Variants in FRZB observed in about 807,000 individuals in gnomAD.
FRZB encodes frizzled related protein, also known as secreted frizzled-related protein 3.
In FRZB, 34 loss-of-function variants were observed where a neutral mutation model predicts 32.5. That is an observed-to-expected ratio of 1.05 (90% CI 0.80 to 1.39). FRZB has a LOEUF of 1.39. FRZB is among the 40% of genes most tolerant of loss of function. FRZB has a pLI of 0.00. For synonymous variants in FRZB, 170 were observed against 159.2 expected (o/e 1.07, Z -0.51); for missense variants, 423 against 424.8 (o/e 1.00, Z 0.04).
rs181615684 is a variant in FRZB, at chr2:182,847,578, C to T, written c.527-5035G>A. Among the ~76,000 whole-genome samples the T allele has an allele frequency of 3.0e-3, 463 of 152,168 alleles. 2 individuals are homozygous for T. The highest frequency in any genetic ancestry group is 5.2e-3 in the Non-Finnish European group (354 of 68,002). Reference sequence around the variant, plus strand: ...AAGCTAGAAGACTTTATCCACTACACAAGAAGGAAAAGGAGAGAAAGGTAC... The same window carrying T: ...AAGCTAGAAGACTTTATCCACTACATAAGAAGGAAAAGGAGAGAAAGGTAC... On this transcript the variant is annotated intron_variant, in intron 2 of 5. Transcript: ENST00000295113.
At chr2:182,864,887 T>C (rs1695873252) in intron 1 of FRZB, among the ~76,000 whole-genome samples, 1 of 152,028 alleles carries the variant, frequency 6.6e-6, no homozygotes, top group Non-Finnish European at 1.5e-5. Flanking sequence ...GTGGGGGATG[T>C]GGTATGAAAG....
At chr2:182,848,070 TAAA>T (rs11361784) in intron 2 of FRZB, among the ~76,000 whole-genome samples, 3 of 139,934 alleles carry the variant, frequency 2.1e-5, no homozygotes, top group Non-Finnish European at 4.6e-5. Context: ...CTCAACATGG[TAAA>T]AAAAAAAAAA....
At position 182,863,494 on chromosome 2, in the gene FRZB, G is replaced by C. The variant is rs1455112231; in HGVS notation, c.478+2581C>G. Among the ~76,000 whole-genome samples the C allele has an allele frequency of 2.2e-4, 34 of 152,172 alleles. 1 individual carries two copies. Reference sequence around the variant, plus strand: ...AAGACTGCTTTGTAAAAGGTCCTAAGCTTGTTTGTGGAGTCATGATATACT... The same window carrying C: ...AAGACTGCTTTGTAAAAGGTCCTAACCTTGTTTGTGGAGTCATGATATACT... On this transcript the variant is annotated intron_variant, in intron 1 of 5. Transcript: ENST00000295113.
intron 2 of FRZB, 146 bp from the exon 3 acceptor site, chr2:182,842,689 G>T (rs183722363): frequency 3.0e-5 from 18 of 603,478 alleles, no homozygotes; most frequent in Non-Finnish European, 4.5e-5. Flanking sequence ...TTTTTCTCCT[G>T]GAACTACATT....
At position 182,833,636 on chromosome 2, in the gene FRZB, G is replaced by T. The variant is rs1695489297; in HGVS notation, c.*1213C>A. 1 of 152,014 alleles carries T rather than the reference G, an allele frequency of 6.6e-6. No homozygotes were observed. 9.4% of individuals were successfully genotyped at this position (152,014 alleles called of 1,614,324 possible). A position where few individuals can be genotyped will look rare whatever the true frequency, so the allele number is the denominator to read the frequency against. The stretch of plus-strand genomic sequence containing the variant: ...GCCCCTGGGATCTCACCACAGCTTG[G>T]GTAATGAGAAATGTGCAATTGGTTC... On this transcript the variant is annotated 3_prime_UTR_variant, in exon 6 of 6. Coordinates refer to ENST00000295113, the MANE Select transcript of FRZB (RefSeq NM_001463.4).
At chr2:182,847,556 C>T (rs1462565400) in intron 2 of FRZB, among the ~76,000 whole-genome samples, 1 of 152,100 alleles carries the variant, frequency 6.6e-6, no homozygotes, top group African/African-American at 2.4e-5. Context: ...ACTTTGAAAG[C>T]TAGAAGACTT....
At chr2:182,839,361 C>T (rs1695562227) in intron 3 of FRZB, among the ~76,000 whole-genome samples, 2 of 151,970 alleles carry the variant, frequency 1.3e-5, no homozygotes, top group African/African-American at 4.8e-5. Flanking sequence ...GCTATATTTA[C>T]TTCTTGAATA....
chr2:182,842,593 T>C, intron 2 of FRZB, 50 bp from the exon 3 acceptor site: 4 of 1,474,722 alleles, frequency 2.7e-6, no homozygotes, highest in Non-Finnish European at 3.8e-6. Flanking sequence ...TAGCTTTCTT[T>C]TGTTTTGCTC....
intron 2 of FRZB, among the ~76,000 whole-genome samples, chr2:182,851,771 C>A (rs942695687): frequency 1.3e-5 from 2 of 151,942 alleles, no homozygotes; most frequent in African/African-American, 4.8e-5. Flanking sequence ...GAAATGTGGT[C>A]CTAGAGAGTA....
chr2:182,838,655 T>C (rs1695554731), intron 3 of FRZB, 42 bp from the exon 4 acceptor site: 4 of 1,534,152 alleles, frequency 2.6e-6, no homozygotes, highest in Non-Finnish European at 3.6e-6. Context: ...ATATGACACA[T>C]AATAGCTACC....
chr2:182,842,433 C>T lies in FRZB; in HGVS notation c.592+45G>A, dbSNP rs527489954. 2.9e-6 allele frequency: 4 copies of T among 1,390,906 alleles called. No homozygotes were observed. In the South Asian group the frequency reaches 4.7e-5, roughly 16 times the overall value. 86.2% of individuals were successfully genotyped at this position (1,390,906 alleles called of 1,614,324 possible). A position where few individuals can be genotyped will look rare whatever the true frequency, so the allele number is the denominator to read the frequency against. On this transcript the variant is annotated intron_variant, in intron 3 of 5. Coordinates refer to ENST00000295113, the MANE Select transcript of FRZB (RefSeq NM_001463.4). ...TCCTCATAGGTGCATCCACACACCT[C>T]TCTTAACACAGCAGTTTATACATCA...
intron 5 of FRZB, 75 bp downstream of exon 5, chr2:182,837,873 T>C: frequency 1.7e-6 from 2 of 1,150,862 alleles, no homozygotes; most frequent in Non-Finnish European, 2.6e-6. Context: ...CTATTTCATT[T>C]CAATGACAGA....
At chr2:182,847,454 C>T (rs1376034917) in intron 2 of FRZB, among the ~76,000 whole-genome samples, 9 of 152,262 alleles carry the variant, frequency 5.9e-5, no homozygotes, top group Non-Finnish European at 5.9e-5. Flanking sequence ...TGTCAAATGA[C>T]CCTCAGAGCT....
At chr2:182,862,216 G>A (rs1052344813) in intron 1 of FRZB, among the ~76,000 whole-genome samples, 3 of 152,232 alleles carry the variant, frequency 2.0e-5, no homozygotes, top group African/African-American at 7.2e-5. Flanking sequence ...GAGAAGGCCT[G>A]CAGAAACGTG....
At chr2:182,838,952 T>C (rs1233450345) in intron 3 of FRZB, among the ~76,000 whole-genome samples, 1 of 152,140 alleles carries the variant, frequency 6.6e-6, no homozygotes, top group Non-Finnish European at 1.5e-5. Context: ...AAATTCCATT[T>C]TGGATGTGTA....
Position 182,833,364 on chromosome 2 carries a change from A to G in FRZB, c.*1485T>C, listed in dbSNP as rs4666865. Reference sequence around the variant, plus strand: ...CACACATGTAAATGGCAGAGAATGAAACTTTCAAGTAATTGGCACAGGCTC... The same window carrying G: ...CACACATGTAAATGGCAGAGAATGAGACTTTCAAGTAATTGGCACAGGCTC... On this transcript the variant is annotated 3_prime_UTR_variant, in exon 6 of 6. Coordinates refer to ENST00000295113, the MANE Select transcript of FRZB (RefSeq NM_001463.4). 0.32 allele frequency: 48,773 copies of G among 152,056 alleles called. 9,215 individuals carry two copies. Among genetic ancestry groups the G allele is most frequent in the Admixed American group, 0.45 (6,921 of 15,252 alleles). 9.4% of individuals were successfully genotyped at this position (152,056 alleles called of 1,614,324 possible). A position where few individuals can be genotyped will look rare whatever the true frequency, so the allele number is the denominator to read the frequency against.
Position 182,852,858 on chromosome 2 carries a change from C to CA in FRZB, c.526+5927dup, listed in dbSNP as rs543938034. On this transcript the variant is annotated intron_variant, in intron 2 of 5. Transcript: ENST00000295113. ...TGGATGCTGTTCAGAGTCATTATCTCAAAAAAAGAAAAAGAAAAAATAGTT... is the reference window on the plus strand; with the variant it reads ...TGGATGCTGTTCAGAGTCATTATCTCAAAAAAAAGAAAAAGAAAAAATAGTT... Among the ~76,000 whole-genome samples, 39 of 151,680 alleles carry CA rather than the reference C, an allele frequency of 2.6e-4. 1 individual carries two copies. In the East Asian group the frequency reaches 4.6e-3, roughly 18 times the overall value.
chr2:182,863,149 G>A (rs1235760255), intron 1 of FRZB, among the ~76,000 whole-genome samples: 1 of 152,094 alleles, frequency 6.6e-6, no homozygotes, highest in Non-Finnish European at 1.5e-5. Flanking sequence ...GAATTACAGA[G>A]GTCATATAAT....
chr2:182,837,290 A>T (rs1695538413), intron 5 of FRZB, among the ~76,000 whole-genome samples: 1 of 152,034 alleles, frequency 6.6e-6, no homozygotes, highest in Non-Finnish European at 1.5e-5. Flanking sequence ...TGCTCTAAGG[A>T]CCTAATTTAT....
Sources: allele counts gnomAD v4.1 joint callset (sites outside exome capture counted in the v4.1 genomes callset), GRCh38; gene constraint gnomAD v4.1.1; transcripts MANE v1.5; gene names NCBI Gene and HGNC (gene_info 2026-07-23, HGNC 2026-07-21).